SEC63: variants seen among roughly 807,000 people sequenced by gnomAD.
SEC63 encodes the protein translocation protein SEC63 homolog.
SEC63 carries 56 observed loss-of-function variants against 116.2 expected under a neutral mutation model. The ratio of observed to expected loss-of-function variants is 0.48; its 90% confidence interval spans 0.39 to 0.60. The LOEUF (loss-of-function observed/expected upper bound fraction) is 0.60, where lower values mean the gene tolerates loss of function less well. SEC63 is among the 20% of genes least tolerant of loss of function. The probability of loss-of-function intolerance (pLI) is 0.00; values close to 1 mark genes in which losing one functional copy is unlikely to be tolerated. For missense variants in SEC63, 668 were observed against 900.0 expected (o/e 0.74, Z 3.30); for synonymous variants, 273 against 294.6 (o/e 0.93, Z 0.75).
At chr6:107,895,922 T>C (rs777515540) in intron 14 of SEC63, among the ~76,000 whole-genome samples, 1 of 150,816 alleles carries the variant, frequency 6.6e-6, no homozygotes, top group Non-Finnish European at 1.5e-5. Flanking sequence ...CCCAGCACTT[T>C]GGGAGGCTGA....
intron 11 of SEC63, among the ~76,000 whole-genome samples, chr6:107,903,787 A>G (rs886508282): frequency 6.6e-6 from 1 of 152,224 alleles, no homozygotes; most frequent in African/African-American, 2.4e-5. Context: ...ACCTAACTCA[A>G]AAATTATTCA....
At chr6:107,909,259 T>C in intron 7 of SEC63, 1 of 426,550 alleles carries the variant, frequency 2.3e-6, no homozygotes, top group Non-Finnish European at 4.4e-6. Flanking sequence ...ATGCCTCTAG[T>C]CCCAGCTGCT....
chr6:107,942,164 G>C (rs181084877), intron 1 of SEC63, among the ~76,000 whole-genome samples: 2 of 152,054 alleles, frequency 1.3e-5, no homozygotes, highest in African/African-American at 4.8e-5. Flanking sequence ...GGTCCTGTAA[G>C]TATTCAGAAC....
At chr6:107,955,234 TC>T (rs1178268373) in intron 1 of SEC63, among the ~76,000 whole-genome samples, 1 of 152,208 alleles carries the variant, frequency 6.6e-6, no homozygotes, top group Non-Finnish European at 1.5e-5. Context: ...CGATCTCGGC[TC>T]ATTGCAACCT....
intron 17 of SEC63, 80 bp downstream of exon 17, chr6:107,882,908 G>GAAC: frequency 1.1e-6 from 1 of 932,028 alleles, no homozygotes. Flanking sequence ...GCAAACAAAT[G>GAAC]AACAACAACA....
intron 1 of SEC63, 165 bp downstream of exon 1, chr6:107,957,721 T>G (rs1007230380): frequency 2.1e-5 from 12 of 577,016 alleles, no homozygotes; most frequent in African/African-American, 2.0e-4. Context: ...AGGGAAACGC[T>G]GCTGACCCGG....
chr6:107,926,247 AAAGT>A (rs1787671515), intron 2 of SEC63, among the ~76,000 whole-genome samples: 1 of 152,230 alleles, frequency 6.6e-6, no homozygotes, highest in Non-Finnish European at 1.5e-5. Context: ...ATAAGTGCAT[AAAGT>A]AATTATCTTA....
chr6:107,949,099 T>C (rs1340866035), intron 1 of SEC63, among the ~76,000 whole-genome samples: 1 of 152,220 alleles, frequency 6.6e-6, no homozygotes, highest in Non-Finnish European at 1.5e-5. Context: ...GGCCCCTACA[T>C]CCACACTTTG....
At chr6:107,923,839 A>AC (rs1583759827) in intron 3 of SEC63, among the ~76,000 whole-genome samples, 1 of 151,822 alleles carries the variant, frequency 6.6e-6, no homozygotes, top group Non-Finnish European at 1.5e-5. Flanking sequence ...TCTTTCTAAG[A>AC]CCCCCAACCT....
intron 1 of SEC63, among the ~76,000 whole-genome samples, chr6:107,942,761 A>G (rs2114508799): frequency 6.6e-6 from 1 of 152,344 alleles, no homozygotes; most frequent in Middle Eastern, 3.4e-3. Context: ...TATTTTGTGT[A>G]TGTATTATAT....
intron 12 of SEC63, 25 bp downstream of exon 12, chr6:107,902,819 T>G: frequency 6.2e-7 from 1 of 1,609,968 alleles, no homozygotes; most frequent in South Asian, 1.1e-5. Context: ...TGCTGAAAAC[T>G]GACTTTAAAG....
chr6:107,956,040 G>A, intron 1 of SEC63: 1 of 406,198 alleles, frequency 2.5e-6, no homozygotes. Flanking sequence ...AGCTACTCGG[G>A]GGGCTGAAGC....
intron 4 of SEC63, among the ~76,000 whole-genome samples, chr6:107,920,300 C>G (rs1787524103): frequency 6.6e-6 from 1 of 151,876 alleles, no homozygotes; most frequent in Non-Finnish European, 1.5e-5. Context: ...GTGGCAGGCA[C>G]CTGTAGTCCC....
chr6:107,886,964 T>C (rs1170912971), intron 16 of SEC63, among the ~76,000 whole-genome samples: 1 of 151,988 alleles, frequency 6.6e-6, no homozygotes, highest in Non-Finnish European at 1.5e-5. Flanking sequence ...TGCCCATGCC[T>C]ATGTCCTGAG....
intron 1 of SEC63, among the ~76,000 whole-genome samples, chr6:107,942,133 C>A (rs544198997): frequency 3.9e-5 from 6 of 152,216 alleles, no homozygotes; most frequent in South Asian, 4.1e-4. Context: ...TTTCTAATTT[C>A]TTGGTATTGT....
intron 1 of SEC63, among the ~76,000 whole-genome samples, chr6:107,946,415 G>A (rs1275389464): frequency 1.3e-5 from 2 of 151,590 alleles, no homozygotes; most frequent in East Asian, 3.9e-4. Context: ...TGTTGGCCAG[G>A]CTGGTCTCAA....
chr6:107,919,551 G>A (rs748899930), intron 4 of SEC63, among the ~76,000 whole-genome samples: 3 of 152,128 alleles, frequency 2.0e-5, no homozygotes, highest in Admixed American at 6.5e-5. Flanking sequence ...GGCTGAGCAC[G>A]GTGGTTCACA....
At chr6:107,876,360 T>C (rs1329647462) in intron 19 of SEC63, among the ~76,000 whole-genome samples, 2 of 152,118 alleles carry the variant, frequency 1.3e-5, no homozygotes, top group South Asian at 2.1e-4. Context: ...TTTTAAAACA[T>C]TGACTAAGTT....
chr6:107,904,159 A>G (rs1422919408), intron 11 of SEC63, among the ~76,000 whole-genome samples: 1 of 136,622 alleles, frequency 7.3e-6, no homozygotes, highest in African/African-American at 2.8e-5. Context: ...AAACACAGTG[A>G]CCAGGGCTTT....
Sources: gnomAD v4.1 joint callset for allele counts (sites outside exome capture counted in the v4.1 genomes callset) on GRCh38, gnomAD v4.1.1 for gene constraint, MANE v1.5 for transcripts, NCBI Gene and HGNC (gene_info 2026-07-23, HGNC 2026-07-21) for gene names.